ZHX3: variants seen among roughly 807,000 people sequenced by gnomAD.
ZHX3 encodes zinc fingers and homeoboxes 3.
Under a neutral mutation model 64.5 loss-of-function variants are expected in ZHX3, and 20 were observed. The ratio of observed to expected loss-of-function variants is 0.31; its 90% CI spans 0.22 to 0.45. The LOEUF (loss-of-function observed/expected upper bound fraction) is 0.45, where lower values mean the gene tolerates loss of function less well. ZHX3 is among the 20% of genes least tolerant of loss of function. ZHX3 has a pLI of 1.00. For synonymous variants in ZHX3, 423 were observed against 461.6 expected (o/e 0.92, Z 1.07); for missense variants, 1,041 against 1,195.8 (o/e 0.87, Z 1.91).
At chr20:41,283,949 C>A (rs1041584922) in intron 1 of ZHX3, among the ~76,000 whole-genome samples, 1 of 152,084 alleles carries the variant, frequency 6.6e-6, no homozygotes, top group Non-Finnish European at 1.5e-5. Context: ...ACTCTCTGTA[C>A]TTCTGTATCT....
chr20:41,292,963 C>G (rs183077144), intron 1 of ZHX3, among the ~76,000 whole-genome samples: 1 of 152,332 alleles, frequency 6.6e-6, no homozygotes, highest in East Asian at 1.9e-4. Flanking sequence ...AGGTGTGCCA[C>G]CATTTGGAAG....
In ZHX3 at chr20:41,180,389, G is replaced by A. The variant is rs2036205156; in HGVS notation, c.*4802C>T. The stretch of plus-strand genomic sequence containing the variant: ...TGTCCTTGTCCATATGGTAACCAGG[G>A]TCTGCCTAGTCTCATCCCCAGCCTC... On this transcript the variant is annotated 3_prime_UTR_variant, in exon 4 of 4. Transcript: ENST00000683867. The A allele has an allele frequency of 6.6e-6, 1 of 152,290 alleles. No homozygotes were observed. Among genetic ancestry groups the A allele is most frequent in the South Asian group, 2.1e-4 (1 of 4,824 alleles). The allele number at this position is 152,290 out of a possible 1,614,324, so 9.4% of individuals were successfully genotyped here.
intron 1 of ZHX3, among the ~76,000 whole-genome samples, chr20:41,289,269 G>C (rs889883489): frequency 6.6e-6 from 1 of 151,992 alleles, no homozygotes; most frequent in African/African-American, 2.4e-5. Flanking sequence ...CCAAAGTGCT[G>C]GGATTACAGG....
chr20:41,223,810 C>G (rs953125346), intron 2 of ZHX3, among the ~76,000 whole-genome samples: 2 of 152,112 alleles, frequency 1.3e-5, no homozygotes, highest in African/African-American at 2.4e-5. Flanking sequence ...TTACAAATAA[C>G]AAGTGAGAAA....
At chr20:41,265,280 G>A (rs1342722382) in intron 2 of ZHX3, among the ~76,000 whole-genome samples, 1 of 148,058 alleles carries the variant, frequency 6.8e-6, no homozygotes, top group Non-Finnish European at 1.5e-5. Context: ...TTGGCTCACC[G>A]CAACCCCCGC....
intron 1 of ZHX3, among the ~76,000 whole-genome samples, chr20:41,309,984 C>A (rs2045082665): frequency 6.6e-6 from 1 of 152,212 alleles, no homozygotes; most frequent in African/African-American, 2.4e-5. Context: ...CCCTCTCTAG[C>A]CACATCCTAT....
At chr20:41,242,933 G>A (rs2146459104) in intron 2 of ZHX3, among the ~76,000 whole-genome samples, 2 of 152,270 alleles carry the variant, frequency 1.3e-5, no homozygotes, top group South Asian at 4.1e-4. Context: ...GTCTTATAAT[G>A]TCTAAAAAAA....
intron 3 of ZHX3, among the ~76,000 whole-genome samples, chr20:41,186,498 C>T (rs1345231452): frequency 6.6e-6 from 1 of 152,150 alleles, no homozygotes; most frequent in Non-Finnish European, 1.5e-5. Flanking sequence ...GTCCTTGGGG[C>T]GTATACCTAG....
At chr20:41,247,650 G>A (rs1354110687) in intron 2 of ZHX3, among the ~76,000 whole-genome samples, 1 of 152,104 alleles carries the variant, frequency 6.6e-6, no homozygotes, top group Admixed American at 6.5e-5. Context: ...CCCTGAGTAA[G>A]GTTTTGCAGC....
At chr20:41,252,474 C>A (rs1248527083) in intron 2 of ZHX3, among the ~76,000 whole-genome samples, 2 of 152,136 alleles carry the variant, frequency 1.3e-5, no homozygotes, top group Non-Finnish European at 2.9e-5. Context: ...CCCAACAGAG[C>A]CAAACCCAGG....
chr20:41,191,676 G>C (rs1568787679), intron 3 of ZHX3, among the ~76,000 whole-genome samples: 2 of 152,132 alleles, frequency 1.3e-5, no homozygotes. Flanking sequence ...TTTCCTAGAC[G>C]TATCTATGGT....
intron 2 of ZHX3, among the ~76,000 whole-genome samples, chr20:41,223,230 G>C (rs1208840446): frequency 6.6e-6 from 1 of 152,174 alleles, no homozygotes; most frequent in Non-Finnish European, 1.5e-5. Context: ...GTGAAAATTG[G>C]TAAGACTTCT....
intron 2 of ZHX3, chr20:41,213,998 C>T (rs978991678): frequency 6.6e-6 from 1 of 152,110 alleles, no homozygotes; most frequent in African/African-American, 2.4e-5. Context: ...TCACCTGAGC[C>T]CAAGAGTTCA....
intron 1 of ZHX3, 79 bp downstream of exon 1, chr20:41,317,430 C>T (rs1041048127): frequency 6.6e-6 from 1 of 152,086 alleles, no homozygotes; most frequent in African/African-American, 2.4e-5. Context: ...CAGGGTCTGA[C>T]AGGCAGAGAG....
chr20:41,214,779 A>C (rs1156258184), intron 2 of ZHX3, among the ~76,000 whole-genome samples: 1 of 152,238 alleles, frequency 6.6e-6, no homozygotes, highest in Admixed American at 6.5e-5. Flanking sequence ...ATGTCTGATA[A>C]ATGAGGCACT....
intron 2 of ZHX3, among the ~76,000 whole-genome samples, chr20:41,266,213 G>A (rs567575337): frequency 4.6e-5 from 7 of 152,258 alleles, no homozygotes; most frequent in Non-Finnish European, 1.0e-4. Context: ...AAAGCATGAC[G>A]TGTAGAATAA....
At chr20:41,227,717 A>G (rs1177112914) in intron 2 of ZHX3, among the ~76,000 whole-genome samples, 8 of 152,172 alleles carry the variant, frequency 5.3e-5, no homozygotes, top group Admixed American at 4.6e-4. Context: ...TAAAAGTTCT[A>G]TTTATCTGTT....
chr20:41,250,215 C>G (rs898993317), intron 2 of ZHX3, among the ~76,000 whole-genome samples: 1 of 152,140 alleles, frequency 6.6e-6, no homozygotes, highest in African/African-American at 2.4e-5. Context: ...CCAGATAAAC[C>G]AAGTGGACCA....
At chr20:41,310,392 A>T (rs1340281698) in intron 1 of ZHX3, among the ~76,000 whole-genome samples, 1 of 152,070 alleles carries the variant, frequency 6.6e-6, no homozygotes, top group East Asian at 1.9e-4. Context: ...CCTCTATTTC[A>T]CAGAGATGAT....
Sources: allele counts gnomAD v4.1 joint callset (sites outside exome capture counted in the v4.1 genomes callset), GRCh38; gene constraint gnomAD v4.1.1; transcripts MANE v1.5; gene names NCBI Gene and HGNC (gene_info 2026-07-23, HGNC 2026-07-21).